GPATCH2: variants seen among roughly 807,000 people sequenced by gnomAD.
GPATCH2 encodes G patch domain-containing protein 2.
In GPATCH2, 51 loss-of-function variants were observed where a neutral mutation model predicts 58.0. The ratio of observed to expected loss-of-function variants is 0.88; its 90% confidence interval spans 0.70 to 1.11. The LOEUF is 1.11. GPATCH2 is among the 50% of genes most tolerant of loss of function. The pLI is 0.00. For synonymous variants in GPATCH2, 222 were observed against 218.5 expected (o/e 1.02, Z -0.14); for missense variants, 625 against 652.2 (o/e 0.96, Z 0.45).
At chr1:217,498,280 C>T in intron 7 of GPATCH2, 76 bp downstream of exon 7, 2 of 1,080,150 alleles carry the variant, frequency 1.9e-6, no homozygotes, top group African/African-American at 1.5e-5. Flanking sequence ...TAAAGCTGAT[C>T]TACTCTCCTG....
At chr1:217,552,781 C>A (rs1471274581) in intron 5 of GPATCH2, among the ~76,000 whole-genome samples, 2 of 152,060 alleles carry the variant, frequency 1.3e-5, no homozygotes, top group Non-Finnish European at 2.9e-5. Context: ...CATCAAGACA[C>A]TGAAATGCAA....
chr1:217,538,233 G>A (rs1330198473), intron 5 of GPATCH2, among the ~76,000 whole-genome samples: 2 of 152,180 alleles, frequency 1.3e-5, no homozygotes, highest in Non-Finnish European at 2.9e-5. Flanking sequence ...TCACATACAT[G>A]AAGCAGGTTC....
chr1:217,514,575 AAATTTCAATAATGCATG>A (rs1376429801), intron 6 of GPATCH2, among the ~76,000 whole-genome samples: 1 of 152,246 alleles, frequency 6.6e-6, no homozygotes, highest in Non-Finnish European at 1.5e-5. Context: ...GACAATACAT[AAATTTCAATAATGCATG>A]AATTTCAAAT....
intron 7 of GPATCH2, 129 bp from the exon 8 acceptor site, chr1:217,491,879 T>A (rs1488312497): frequency 5.1e-5 from 20 of 390,466 alleles, no homozygotes; most frequent in South Asian, 4.3e-4. Flanking sequence ...TTTTTTTTTT[T>A]AACTGGTTTC....
chr1:217,588,830 A>G (rs1482439295), intron 5 of GPATCH2, among the ~76,000 whole-genome samples: 2 of 152,216 alleles, frequency 1.3e-5, no homozygotes. Context: ...GGGAGATAAC[A>G]ATTTCATGGA....
chr1:217,500,560 T>C (rs1399439904), intron 6 of GPATCH2, among the ~76,000 whole-genome samples: 4 of 152,086 alleles, frequency 2.6e-5, no homozygotes, highest in Non-Finnish European at 5.9e-5. Context: ...CTTCTTCATA[T>C]TCTTAAGTTT....
At chr1:217,607,119 T>C (rs1668396341) in intron 5 of GPATCH2, among the ~76,000 whole-genome samples, 1 of 152,188 alleles carries the variant, frequency 6.6e-6, no homozygotes, top group Non-Finnish European at 1.5e-5. Flanking sequence ...CTCGTTCCCA[T>C]TGTGGATTCC....
intron 5 of GPATCH2, among the ~76,000 whole-genome samples, chr1:217,582,682 A>C (rs908976107): frequency 6.0e-4 from 92 of 152,318 alleles, no homozygotes; most frequent in African/African-American, 2.2e-3. Flanking sequence ...TAATGGATTA[A>C]ATTATGTCTT....
chr1:217,608,760 C>T (rs1042785088), intron 5 of GPATCH2: 1 of 979,366 alleles, frequency 1.0e-6, no homozygotes, highest in Non-Finnish European at 1.2e-6. Flanking sequence ...AGAAAAAAAA[C>T]ATGAATTTTC....
At chr1:217,576,871 G>A (rs1034795439) in intron 5 of GPATCH2, among the ~76,000 whole-genome samples, 1 of 152,168 alleles carries the variant, frequency 6.6e-6, no homozygotes, top group Non-Finnish European at 1.5e-5. Context: ...CAATGCGAAG[G>A]GGATAAGGAT....
At chr1:217,576,726 C>T (rs1041312611) in intron 5 of GPATCH2, among the ~76,000 whole-genome samples, 2 of 152,066 alleles carry the variant, frequency 1.3e-5, no homozygotes, top group African/African-American at 2.4e-5. Flanking sequence ...ATGACATGAT[C>T]GCACCAGTAC....
At chr1:217,600,168 G>GA (rs141436426) in intron 5 of GPATCH2, among the ~76,000 whole-genome samples, 2 of 151,996 alleles carry the variant, frequency 1.3e-5, no homozygotes, top group African/African-American at 4.8e-5. Context: ...CTTTGGTATG[G>GA]AAAAAAAATA....
intron 5 of GPATCH2, among the ~76,000 whole-genome samples, chr1:217,549,741 G>C (rs1461514436): frequency 6.6e-6 from 1 of 152,112 alleles, no homozygotes; most frequent in African/African-American, 2.4e-5. Context: ...ATGAATGAAA[G>C]ACTATCAAAA....
chr1:217,429,262 T>C lies in GPATCH2; in HGVS notation c.*1883A>G, dbSNP rs1186315016. On this transcript the variant is annotated 3_prime_UTR_variant, in exon 10 of 10. Transcript: ENST00000366935. Reference sequence around the variant, plus strand: ...GGCAAATTTGTAAGTAAAAAACTTGTAGAAAGTAATGATACCATGGGGTTA... The same window carrying C: ...GGCAAATTTGTAAGTAAAAAACTTGCAGAAAGTAATGATACCATGGGGTTA... The C allele has an allele frequency of 6.6e-6, 1 of 152,154 alleles. No homozygotes were observed. 9.4% of individuals were successfully genotyped at this position (152,154 alleles called of 1,614,324 possible).
intron 5 of GPATCH2, among the ~76,000 whole-genome samples, chr1:217,607,842 GAT>G (rs1266417015): frequency 2.0e-5 from 3 of 152,078 alleles, no homozygotes; most frequent in Non-Finnish European, 4.4e-5. Flanking sequence ...TTCCTTCAAA[GAT>G]ACTACATCAT....
intron 8 of GPATCH2, among the ~76,000 whole-genome samples, chr1:217,483,199 G>C (rs535490405): frequency 1.3e-5 from 2 of 152,206 alleles, no homozygotes; most frequent in African/African-American, 4.8e-5. Flanking sequence ...TTGTTTGTTT[G>C]AGACAGTCTC....
chr1:217,524,079 G>A (rs751024055), intron 5 of GPATCH2, among the ~76,000 whole-genome samples: 1 of 148,816 alleles, frequency 6.7e-6, no homozygotes, highest in East Asian at 2.1e-4. Context: ...GCGGGGGGCT[G>A]ACCCCCCCAC....
intron 5 of GPATCH2, among the ~76,000 whole-genome samples, chr1:217,587,908 T>C (rs1002761335): frequency 2.0e-5 from 3 of 152,054 alleles, no homozygotes; most frequent in African/African-American, 4.8e-5. Context: ...AACTAGTAAA[T>C]GATGAAGCTA....
chr1:217,547,841 G>A (rs534572194), intron 5 of GPATCH2, among the ~76,000 whole-genome samples: 12 of 152,216 alleles, frequency 7.9e-5, no homozygotes, highest in East Asian at 1.9e-4. Context: ...GTCTGGCGGC[G>A]GGTGATTGAA....
Sources: gnomAD v4.1 joint callset for allele counts (sites outside exome capture counted in the v4.1 genomes callset) on GRCh38, gnomAD v4.1.1 for gene constraint, MANE v1.5 for transcripts, NCBI Gene and HGNC (gene_info 2026-07-23, HGNC 2026-07-21) for gene names.